Variants in MREG observed in about 807,000 individuals in gnomAD.
MREG encodes melanoregulin, also known as dilute suppressor protein homolog.
In MREG, 31 loss-of-function variants were observed where a neutral mutation model predicts 28.5. The ratio of observed to expected loss-of-function variants is 1.09; its 90% CI spans 0.82 to 1.47. The LOEUF (loss-of-function observed/expected upper bound fraction) is 1.47. Among genes scored for constraint, MREG ranks in the 40% most tolerant of loss-of-function variants. The pLI is 0.00. For synonymous variants in MREG, 106 were observed against 95.2 expected (o/e 1.11, Z -0.66); for missense variants, 256 against 257.4 (o/e 0.99, Z 0.04).
chr2:216,026,586 C>T (rs1694597495), intron 1 of MREG, among the ~76,000 whole-genome samples: 2 of 152,114 alleles, frequency 1.3e-5, no homozygotes, highest in Non-Finnish European at 2.9e-5. Context: ...GTCTTGAACT[C>T]CTGAGCTCCA....
In MREG at chr2:215,975,551, T is replaced by G. The variant is rs541774091; in HGVS notation, c.255+20755A>C. 2.0e-5 allele frequency among the ~76,000 whole-genome samples: 3 copies of G among 152,146 alleles called. No individual in the cohort carries two copies. The South Asian group carries it at 6.2e-4, about 32-fold the overall frequency. ...CTGTTTTGATCACAAGGAATACCAT[T>G]TGGGGGCAGCCACATCCCATGGGCT... On this transcript the variant is annotated intron_variant, in intron 2 of 4. Coordinates refer to ENST00000263268, the MANE Select transcript of MREG (RefSeq NM_018000.3).
chr2:215,992,770 A>G (rs868497697), intron 2 of MREG, among the ~76,000 whole-genome samples: 8 of 152,218 alleles, frequency 5.3e-5, no homozygotes, highest in Non-Finnish European at 7.3e-5. Flanking sequence ...TACACCAATA[A>G]TAGGTAAACA....
intron 2 of MREG, among the ~76,000 whole-genome samples, chr2:215,957,854 C>T (rs527582008): frequency 3.3e-5 from 5 of 152,148 alleles, no homozygotes; most frequent in Non-Finnish European, 5.9e-5. Flanking sequence ...TTGGAACCAA[C>T]CCAAATGTCC....
At chr2:215,975,166 G>A (rs1022521301) in intron 2 of MREG, among the ~76,000 whole-genome samples, 2 of 151,738 alleles carry the variant, frequency 1.3e-5, no homozygotes, top group African/African-American at 2.4e-5. Flanking sequence ...GCATATACAT[G>A]CTTTTACACA....
upstream of MREG, among the ~76,000 whole-genome samples, chr2:216,033,238 T>C (rs554156825): frequency 4.1e-4 from 62 of 152,328 alleles, no homozygotes; most frequent in African/African-American, 1.4e-3. Flanking sequence ...CCTCCATTTT[T>C]TTAAGTTGGA....
upstream of MREG, among the ~76,000 whole-genome samples, chr2:216,014,179 G>A (rs769948166): frequency 1.8e-4 from 27 of 151,962 alleles, no homozygotes; most frequent in Non-Finnish European, 3.7e-4. Flanking sequence ...CCTTGTCAGC[G>A]CGTGGATATC....
At chr2:215,997,628 A>T (rs1360287388) in intron 1 of MREG, among the ~76,000 whole-genome samples, 2 of 152,216 alleles carry the variant, frequency 1.3e-5, no homozygotes, top group Non-Finnish European at 2.9e-5. Flanking sequence ...CATGACTATA[A>T]AATAAAAATT....
At chr2:216,006,376 C>T (rs1483871230) in intron 1 of MREG, among the ~76,000 whole-genome samples, 1 of 152,214 alleles carries the variant, frequency 6.6e-6, no homozygotes, top group Non-Finnish European at 1.5e-5. Flanking sequence ...CTCTGGCCCT[C>T]CCCTATCACT....
downstream of MREG, among the ~76,000 whole-genome samples, chr2:215,940,857 G>A (rs1254228712): frequency 6.6e-6 from 1 of 151,994 alleles, no homozygotes; most frequent in Non-Finnish European, 1.5e-5. Context: ...GTGTGCGCGC[G>A]TGTGTGTGTG....
At chr2:215,982,889 A>G (rs192553758) in intron 2 of MREG, among the ~76,000 whole-genome samples, 8 of 152,322 alleles carry the variant, frequency 5.3e-5, no homozygotes, top group Admixed American at 5.2e-4. Context: ...TCTGGAGAAC[A>G]TGAAGCATGT....
chr2:215,967,050 T>C (rs1255126771), intron 2 of MREG, among the ~76,000 whole-genome samples: 3 of 152,192 alleles, frequency 2.0e-5, no homozygotes, highest in Non-Finnish European at 4.4e-5. Flanking sequence ...GGCAAAATAA[T>C]CACTTAAACT....
intron 2 of MREG, among the ~76,000 whole-genome samples, chr2:215,950,793 T>C (rs539935406): frequency 3.3e-5 from 5 of 152,110 alleles, no homozygotes; most frequent in African/African-American, 1.2e-4. Flanking sequence ...AAGAATTGGA[T>C]CTTGATATGG....
At chr2:216,020,060 T>A (rs771499982) in intron 1 of MREG, among the ~76,000 whole-genome samples, 5 of 151,788 alleles carry the variant, frequency 3.3e-5, no homozygotes, top group African/African-American at 4.8e-5. Context: ...GGAAGAGGAG[T>A]AGAGCACGGT....
In MREG at chr2:215,996,459, G is replaced by T. The variant is rs775194736; in HGVS notation, c.102C>A (p.Asn34Lys). 11 of 1,607,634 alleles carry T rather than the reference G, an allele frequency of 6.8e-6. No individual in the cohort carries two copies. Among genetic ancestry groups the T allele is most frequent in the Admixed American group, 5.1e-5 (3 of 58,456 alleles). The stretch of plus-strand genomic sequence containing the variant: ...TTGCTCCAAATGAGGAATATGGATT[G>T]TTATCACTGTTGTATAAAAAAAGGA... ...LPEKEPLVSDNNPYSSFGATL... is the reference protein window; with the variant it reads ...LPEKEPLVSDKNPYSSFGATL... Residue 34 changes from asparagine (N) to lysine (K), a missense_variant, in exon 2 of 5, where the codon AAC becomes AAA. Asn to Lys is a moderately conservative substitution (Grantham distance 94). Transcript: ENST00000263268.
At chr2:215,984,561 A>C (rs999095337) in intron 2 of MREG, among the ~76,000 whole-genome samples, 2 of 147,460 alleles carry the variant, frequency 1.4e-5, no homozygotes, top group Admixed American at 6.7e-5. Flanking sequence ...CTTTTTTAGG[A>C]GAGTCAAAAT....
At chr2:215,995,505 CCCCA>C (rs1693845702) in intron 2 of MREG, among the ~76,000 whole-genome samples, 3 of 131,708 alleles carry the variant, frequency 2.3e-5, no homozygotes, top group African/African-American at 1.1e-4. Flanking sequence ...CCTCCACCCA[CCCCA>C]CCCCCCGCCA....
At chr2:215,958,899 G>A (rs992611412) in intron 2 of MREG, among the ~76,000 whole-genome samples, 2 of 152,160 alleles carry the variant, frequency 1.3e-5, no homozygotes, top group Non-Finnish European at 2.9e-5. Flanking sequence ...TGCCCACTGA[G>A]TGCCATGGGT....
chr2:215,981,951 G>A (rs1693437617), intron 2 of MREG, among the ~76,000 whole-genome samples: 1 of 152,106 alleles, frequency 6.6e-6, no homozygotes, highest in African/African-American at 2.4e-5. Flanking sequence ...CTGCTCGCTG[G>A]CCTACATCAG....
intron 2 of MREG, among the ~76,000 whole-genome samples, chr2:215,981,482 A>G (rs1243753884): frequency 6.6e-6 from 1 of 152,196 alleles, no homozygotes; most frequent in Non-Finnish European, 1.5e-5. Context: ...GAAAGTAGAA[A>G]GTTGCCAGGA....
Sources: allele counts gnomAD v4.1 joint callset (sites outside exome capture counted in the v4.1 genomes callset), GRCh38; gene constraint gnomAD v4.1.1; transcripts MANE v1.5; gene names NCBI Gene and HGNC (gene_info 2026-07-23, HGNC 2026-07-21).